Variants in KIF7 observed in about 807,000 individuals in gnomAD.
The protein encoded by KIF7 is kinesin-like protein KIF7.
A neutral mutation model predicts 135.7 loss-of-function variants in KIF7; 104 were observed. The ratio of observed to expected loss-of-function variants is 0.77; its 90% confidence interval spans 0.65 to 0.90. The LOEUF (loss-of-function observed/expected upper bound fraction) is 0.90. KIF7 is among the 40% of genes least tolerant of loss of function. The pLI is 0.00. For synonymous variants in KIF7, 883 were observed against 809.4 expected (o/e 1.09, Z -1.54); for missense variants, 2,005 against 1,839.1 (o/e 1.09, Z -1.65).
intron 3 of KIF7, 56 bp downstream of exon 3, chr15:89,649,685 C>A: frequency 1.3e-6 from 2 of 1,519,736 alleles, no homozygotes; most frequent in South Asian, 2.5e-5. Context: ...CCACTCCAAA[C>A]AGGTGAAGCC....
intron 11 of KIF7, among the ~76,000 whole-genome samples, chr15:89,638,373 T>C (rs1460894221): frequency 4.2e-4 from 62 of 146,930 alleles, no homozygotes; most frequent in Non-Finnish European, 2.6e-4. Context: ...TGTTTGCAGA[T>C]GACATGATTG....
Position 89,648,413 on chromosome 15 carries a change from C to T in KIF7, c.1285G>A (p.Glu429Lys), listed in dbSNP as rs946190172. Residue 429 changes from glutamate (E) to lysine (K), a missense_variant, in exon 5 of 19, where the codon GAG becomes AAG. By Grantham distance (56) the Glu-to-Lys change is moderately conservative (BLOSUM62 1). Coordinates refer to ENST00000394412, the MANE Select transcript of KIF7 (RefSeq NM_198525.3). ...GCGGCGGCGCCGGGCAGCCCGGGCT[C>T]GGCCTGCAGCTCGCGCAAGAGGCTG... is the stretch of plus-strand genomic sequence containing the variant. ...AYSLLRELQA[E>K]PGLPGAAARK... 2.7e-6 allele frequency: 3 copies of T among 1,130,084 alleles called. No individual in the cohort carries two copies. Among genetic ancestry groups the T allele is most frequent in the Non-Finnish European group, 3.3e-6 (3 of 922,776 alleles). 70.0% of individuals were successfully genotyped at this position (1,130,084 alleles called of 1,614,324 possible).
At chr15:89,635,436 T>C (rs566212950) in intron 11 of KIF7, among the ~76,000 whole-genome samples, 1 of 152,116 alleles carries the variant, frequency 6.6e-6, no homozygotes, top group Non-Finnish European at 1.5e-5. Context: ...TGAAAAAAGT[T>C]TAGAAGAATG....
At chr15:89,628,816 G>GAAAC (rs765636110) in intron 18 of KIF7, 30 bp from the exon 19 acceptor site, 1 of 1,611,712 alleles carries the variant, frequency 6.2e-7, no homozygotes, top group Admixed American at 1.7e-5. Context: ...GTCCTCATCA[G>GAAAC]AAACAGGTGG....
Position 89,648,999 on chromosome 15 carries a change from G to GT in KIF7, c.897dup (p.Pro300ThrfsTer163). ...CGGGTGATCTTGGAGTCGCGGTAGG[G>GT]TATGTGGCTGCCCCGGCGCTGAGGG... is the stretch of plus-strand genomic sequence containing the variant. On this transcript the variant is annotated frameshift_variant, in exon 4 of 19. Transcript: ENST00000394412. LOFTEE classifies it high-confidence loss of function. 3 of 1,546,464 alleles carry GT rather than the reference G, an allele frequency of 1.9e-6. No homozygotes were observed. Among genetic ancestry groups the GT allele is most frequent in the South Asian group, 2.4e-5 (2 of 83,980 alleles).
chr15:89,628,523 C>A lies in KIF7; in HGVS notation c.3928G>T (p.Gly1310Cys). 1 of 1,613,158 alleles carries A rather than the reference C, an allele frequency of 6.2e-7. No individual in the cohort carries two copies. The highest frequency in any genetic ancestry group is 8.5e-7 in the Non-Finnish European group (1 of 1,179,964). ...EPLVGRVLPV[G>C]EAGLPWNFGP... ...AAGTTCCAGGGCAGGCCTGCCTCAC[C>A]CACAGGAAGCACCCGCCCCACCAGG... The change falls in exon 19 of 19, where the codon GGT becomes TGT. Residue 1310 changes from glycine to cysteine, a missense_variant. Gly to Cys is a radical substitution (Grantham distance 159). Coordinates refer to ENST00000394412, the MANE Select transcript of KIF7 (RefSeq NM_198525.3).
chr15:89,652,799 A>G lies in KIF7; in HGVS notation c.132T>C (p.Leu44=). The G allele has an allele frequency of 1.9e-6, 3 of 1,551,252 alleles. No individual in the cohort carries two copies. Among genetic ancestry groups the G allele is most frequent in the Non-Finnish European group, 1.7e-6 (2 of 1,146,918 alleles). The change falls in exon 2 of 19, where the codon CTT becomes CTC. Residue 44 remains leucine, a synonymous_variant. Transcript: ENST00000394412. ...HQSCLQVEPG[L]GRVTLGRDRH... is the part of the protein sequence containing the mutation. Reference sequence around the variant, plus strand: ...GGTCACGGCCCAGAGTGACGCGGCCAAGCCCTGGCTCCACCTGCAGGCAGC... The same window carrying G: ...GGTCACGGCCCAGAGTGACGCGGCCGAGCCCTGGCTCCACCTGCAGGCAGC...
At chr15:89,640,403 C>T (rs1165408697) in intron 11 of KIF7, among the ~76,000 whole-genome samples, 1 of 152,090 alleles carries the variant, frequency 6.6e-6, no homozygotes, top group East Asian at 1.9e-4. Context: ...TTAAATGGTC[C>T]TAATGAGCCT....
At position 89,629,378 on chromosome 15, in the gene KIF7, G is replaced by A. The variant is rs138196132; in HGVS notation, c.3514C>T (p.Arg1172Ter). The change falls in exon 17 of 19, where the codon CGA becomes TGA. Residue 1172 changes from arginine to a stop codon, truncating the protein, a stop_gained. Coordinates refer to ENST00000394412, the MANE Select transcript of KIF7 (RefSeq NM_198525.3). LOFTEE classifies it high-confidence loss of function. ...AGCCATGGGCCGGGCTGCTCACCTC[G>A]ACTCTGCTGCAGGAGCAGCTGCATG... ...QNMQLLLQQS[R>*]DHLGEGLADS... The A allele has an allele frequency of 3.8e-6, 6 of 1,594,028 alleles. No homozygotes were observed. Among genetic ancestry groups the A allele is most frequent in the South Asian group, 3.3e-5 (3 of 90,468 alleles).
chr15:89,631,482 G>A lies in KIF7; in HGVS notation c.3111+13C>T. ...ATGGCACCAAGGGGCTGAGCCATGGGGCCGCAGGGTACCTCGGGGGACAGC... is the reference window on the plus strand; with the variant it reads ...ATGGCACCAAGGGGCTGAGCCATGGAGCCGCAGGGTACCTCGGGGGACAGC... On this transcript the variant is annotated intron_variant, in intron 15 of 18. Transcript: ENST00000394412. 6.4e-7 allele frequency: 1 copy of A among 1,557,980 alleles called. No homozygotes were observed. The highest frequency in any genetic ancestry group is 2.4e-5 in the East Asian group (1 of 41,936).
rs777302046 is a variant in KIF7 at position 89,632,964 on chromosome 15, C to G, written c.2751G>C (p.Gln917His). Residue 917 changes from glutamine to histidine, a missense_variant, in exon 14 of 19, where the codon CAG becomes CAC. Transcript: ENST00000394412. ...GCTGCTGTAGCACCTTCTCCATCTCCTGGTCCAGCCACTTCTTCTGCTCCT... is the reference window on the plus strand; with the variant it reads ...GCTGCTGTAGCACCTTCTCCATCTCGTGGTCCAGCCACTTCTTCTGCTCCT... ...KIEEQKKWLD[Q>H]EMEKVLQQRR... The G allele has an allele frequency of 2.7e-6, 4 of 1,496,366 alleles. No homozygotes were observed. In the East Asian group the frequency reaches 1.1e-4, roughly 43 times the overall value. 92.7% of individuals were successfully genotyped at this position (1,496,366 alleles called of 1,614,324 possible).
intron 17 of KIF7, 61 bp from the exon 18 acceptor site, chr15:89,629,183 C>T: frequency 1.0e-6 from 1 of 954,004 alleles, no homozygotes; most frequent in South Asian, 1.4e-5. Context: ...GCGGCCAGGG[C>T]TGTGGGGGTG....
At chr15:89,640,847 AAATT>A (rs1963906133) in intron 11 of KIF7, among the ~76,000 whole-genome samples, 2 of 151,606 alleles carry the variant, frequency 1.3e-5, no homozygotes, top group Non-Finnish European at 2.9e-5. Context: ...AAAAAGAAAA[AAATT>A]AGCCAGGTGT....
In KIF7 at chr15:89,649,183, G is replaced by T. The variant is rs562018717; in HGVS notation, c.714C>A (p.Pro238=). The T allele has an allele frequency of 6.5e-7, 1 of 1,547,092 alleles. No individual in the cohort carries two copies. Among genetic ancestry groups the T allele is most frequent in the Non-Finnish European group, 8.7e-7 (1 of 1,146,290 alleles). Residue 238 remains proline, a synonymous_variant, in exon 4 of 19, where the codon CCC becomes CCA. Transcript: ENST00000394412. Reference sequence around the variant, plus strand: ...TGGAGACGAGCAGCTGGCCCGGGGCGGGGCGGGGTAGGCGGCTGGGGGCGC... The same window carrying T: ...TGGAGACGAGCAGCTGGCCCGGGGCTGGGCGGGGTAGGCGGCTGGGGGCGC... ...RGRAPSRLPR[P]APGQLLVSKF...
chr15:89,617,469 G>C (rs1237136058), intron 2 of KIF7, among the ~76,000 whole-genome samples: 1 of 152,082 alleles, frequency 6.6e-6, no homozygotes, highest in Non-Finnish European at 1.5e-5. Context: ...TTATAATTCT[G>C]ATGTTGTAAA....
Position 89,647,039 on chromosome 15 carries a change from G to C in KIF7, c.1579C>G (p.Gln527Glu). The C allele has an allele frequency of 6.2e-7, 1 of 1,603,250 alleles. No individual in the cohort carries two copies. Among genetic ancestry groups the C allele is most frequent in the South Asian group, 1.1e-5 (1 of 90,084 alleles). ...CGCAGTTCCACCATCTCCTCCTGCT[G>C]CTCACGCAGCCGGTCGCTCTGCAAG... ...YKLQSDRLRE[Q>E]QEEMVELRLR... Residue 527 changes from glutamine (Q) to glutamate (E), a missense_variant, in exon 7 of 19, where the codon CAG (glutamine) becomes GAG (glutamate). Gln to Glu is a conservative substitution (Grantham distance 29). Transcript: ENST00000394412.
At chr15:89,633,341 C>T (rs1320200498) in intron 12 of KIF7, 75 bp from the exon 13 acceptor site, 2 of 1,527,664 alleles carry the variant, frequency 1.3e-6, no homozygotes, top group East Asian at 2.4e-5. Context: ...GATCCCAAAG[C>T]CCCCAGGAGT....
At position 89,647,706 on chromosome 15, in the gene KIF7, C is replaced by T. The variant is rs900459039; in HGVS notation, c.1450G>A (p.Glu484Lys). 1.9e-6 allele frequency: 3 copies of T among 1,571,280 alleles called. No homozygotes were observed. The highest frequency in any genetic ancestry group is 2.6e-6 in the Non-Finnish European group (3 of 1,160,890). ...AQGAGGRKED[E>K]GAQQLLTLQN... ...AGGGTCAGCAGCTGCTGCGCCCCCT[C>T]ATCCTCCTATAGGGCAGGGAGAGGG... is the stretch of plus-strand genomic sequence containing the variant. Residue 484 changes from glutamate (E) to lysine (K), a missense_variant, in exon 6 of 19, where the codon GAG (glutamate) becomes AAG (lysine). By Grantham distance (56) the Glu-to-Lys change is moderately conservative. Transcript: ENST00000394412.
chr15:89,649,987 C>T (rs187353023), intron 2 of KIF7, 46 bp from the exon 3 acceptor site: 19 of 1,529,986 alleles, frequency 1.2e-5, no homozygotes, highest in Non-Finnish European at 1.6e-5. Context: ...CTGGACACGG[C>T]CCATGGCCCC....
Sources: allele counts gnomAD v4.1 joint callset (sites outside exome capture counted in the v4.1 genomes callset), GRCh38; gene constraint gnomAD v4.1.1; transcripts MANE v1.5; gene names NCBI Gene and HGNC (gene_info 2026-07-23, HGNC 2026-07-21).